The following TMEM132C variants were observed in gnomAD, a reference collection of about 807,000 sequenced individuals.
TMEM132C encodes the protein transmembrane protein 132C.
Under a neutral mutation model 61.4 loss-of-function variants are expected in TMEM132C, and 29 were observed. The observed-to-expected ratio is 0.47, with a 90% CI of 0.35 to 0.64. The LOEUF is 0.64. Ranked by LOEUF, TMEM132C falls within the 30% of genes least tolerant of loss-of-function variation. The pLI, the probability that TMEM132C is intolerant of heterozygous loss-of-function variation, is 0.00. For missense variants in TMEM132C, 1,408 were observed against 1,476.9 expected (o/e 0.95, Z 0.76); for synonymous variants, 656 against 633.1 (o/e 1.04, Z -0.54).
intron 1 of TMEM132C, among the ~76,000 whole-genome samples, chr12:128,389,526 C>A (rs1231792950): frequency 1.3e-5 from 2 of 152,178 alleles, no homozygotes; most frequent in African/African-American, 4.8e-5. Flanking sequence ...AGGTACCATG[C>A]TAGCAGGAAC....
intron 1 of TMEM132C, among the ~76,000 whole-genome samples, chr12:128,333,383 A>G (rs1451259278): frequency 6.6e-6 from 1 of 151,500 alleles, no homozygotes; most frequent in Admixed American, 6.6e-5. Context: ...TATGTATTTG[A>G]GAGTATGTAT....
intron 3 of TMEM132C, among the ~76,000 whole-genome samples, chr12:128,564,298 C>T (rs564656165): frequency 8.5e-5 from 13 of 152,298 alleles, no homozygotes; most frequent in East Asian, 7.7e-4. Context: ...CACAGATATG[C>T]GGGTCACAAC....
chr12:128,569,480 A>G (rs1874802273), intron 3 of TMEM132C, among the ~76,000 whole-genome samples: 1 of 152,230 alleles, frequency 6.6e-6, no homozygotes, highest in South Asian at 2.1e-4. Flanking sequence ...TTCACCTACT[A>G]CAGCAAATAT....
intron 3 of TMEM132C, among the ~76,000 whole-genome samples, chr12:128,602,820 G>T (rs998374339): frequency 6.6e-5 from 10 of 152,144 alleles, no homozygotes; most frequent in Admixed American, 5.2e-4. Context: ...TCTCTGCCTG[G>T]GCATCCCAAG....
At position 128,322,296 on chromosome 12, in the gene TMEM132C, T is replaced by G. The variant is rs536444577; in HGVS notation, c.85+54809T>G. On this transcript the variant is annotated intron_variant, in intron 1 of 8. Coordinates refer to ENST00000435159, the MANE Select transcript of TMEM132C (RefSeq NM_001136103.3). Reference sequence around the variant, plus strand: ...AGACAACTCTGCTGCTAGATGTGAGTGACTGAGCTTCTCCATGGTTCTAAC... The same window carrying G: ...AGACAACTCTGCTGCTAGATGTGAGGGACTGAGCTTCTCCATGGTTCTAAC... Among the ~76,000 whole-genome samples, 10 of 152,318 alleles carry G rather than the reference T, an allele frequency of 6.6e-5. No homozygotes were observed. In the South Asian group the frequency reaches 2.1e-3, roughly 32 times the overall value.
chr12:128,470,987 C>T (rs1303434244), intron 2 of TMEM132C, among the ~76,000 whole-genome samples: 1 of 152,180 alleles, frequency 6.6e-6, no homozygotes, highest in Non-Finnish European at 1.5e-5. Flanking sequence ...GATCATGTTG[C>T]AAGAAATCTT....
At chr12:128,618,746 T>C (rs957981756) in intron 4 of TMEM132C, among the ~76,000 whole-genome samples, 3 of 152,228 alleles carry the variant, frequency 2.0e-5, no homozygotes, top group Admixed American at 6.5e-5. Flanking sequence ...CCTTCTGCCA[T>C]GATTGTGAGA....
At chr12:128,696,762 C>A (rs1954768391) in intron 7 of TMEM132C, among the ~76,000 whole-genome samples, 1 of 152,156 alleles carries the variant, frequency 6.6e-6, no homozygotes, top group Non-Finnish European at 1.5e-5. Context: ...TCAAGCCCAA[C>A]ATTTGGCTTA....
At chr12:128,551,915 T>G (rs1874188409) in intron 3 of TMEM132C, among the ~76,000 whole-genome samples, 1 of 152,148 alleles carries the variant, frequency 6.6e-6, no homozygotes, top group Admixed American at 6.5e-5. Flanking sequence ...CTTGATCTGA[T>G]AAAGGTTTCT....
At chr12:128,423,032 G>A (rs1869045011) in intron 2 of TMEM132C, among the ~76,000 whole-genome samples, 1 of 152,144 alleles carries the variant, frequency 6.6e-6, no homozygotes, top group Non-Finnish European at 1.5e-5. Flanking sequence ...GGTGGGTTTT[G>A]TGTGTCAGGA....
chr12:128,307,235 G>A (rs190313376), intron 1 of TMEM132C, among the ~76,000 whole-genome samples: 64 of 152,222 alleles, frequency 4.2e-4, no homozygotes, highest in African/African-American at 1.5e-3. Flanking sequence ...GACATAATTG[G>A]GGGAGAAGTA....
intron 2 of TMEM132C, among the ~76,000 whole-genome samples, chr12:128,541,886 G>A (rs905133788): frequency 1.3e-5 from 2 of 152,100 alleles, no homozygotes; most frequent in South Asian, 2.1e-4. Flanking sequence ...ACCCGCCTGC[G>A]AATCTCAGCA....
rs189625068 is a variant in TMEM132C at position 128,465,284 on chromosome 12, C to T, written c.974+49664C>T. ...TGCCATCTCAGCTCACTACAAGCTC[C>T]GCCTCCCAGATTCAAGCCATTCTCC... On this transcript the variant is annotated intron_variant, in intron 2 of 8. Transcript: ENST00000435159. Among the ~76,000 whole-genome samples the T allele has an allele frequency of 5.4e-3, 821 of 151,812 alleles. 7 individuals carry two copies. Among genetic ancestry groups the T allele is most frequent in the African/African-American group, 0.018 (741 of 41,376 alleles).
intron 5 of TMEM132C, among the ~76,000 whole-genome samples, chr12:128,673,725 T>C (rs187495368): frequency 1.3e-5 from 2 of 152,364 alleles, no homozygotes; most frequent in Admixed American, 1.3e-4. Flanking sequence ...TGTGCAGCCT[T>C]GAGTGAATCA....
intron 1 of TMEM132C, among the ~76,000 whole-genome samples, chr12:128,345,386 A>C (rs1296223225): frequency 2.0e-5 from 3 of 152,148 alleles, no homozygotes; most frequent in African/African-American, 7.2e-5. Flanking sequence ...TGTGTCTTTA[A>C]AAAAGAATGA....
At chr12:128,281,766 T>G (rs1414295463) in intron 1 of TMEM132C, among the ~76,000 whole-genome samples, 1 of 152,242 alleles carries the variant, frequency 6.6e-6, no homozygotes, top group East Asian at 1.9e-4. Context: ...GCTGTGCCTT[T>G]GTCTCCCCAT....
At chr12:128,528,374 A>T (rs888841825) in intron 2 of TMEM132C, among the ~76,000 whole-genome samples, 3 of 152,218 alleles carry the variant, frequency 2.0e-5, no homozygotes, top group Admixed American at 2.0e-4. Context: ...TGAAATAGGT[A>T]AGGCAAGCTC....
At position 128,476,304 on chromosome 12, in the gene TMEM132C, G is replaced by C. The variant is rs565803023; in HGVS notation, c.974+60684G>C. On this transcript the variant is annotated intron_variant, in intron 2 of 8. Transcript: ENST00000435159. ...ATCCTTCCTGGCAACCTGAGGAGACGGTTGCAGCGTGCACATGGCAGTACA... is the reference window on the plus strand; with the variant it reads ...ATCCTTCCTGGCAACCTGAGGAGACCGTTGCAGCGTGCACATGGCAGTACA... Among the ~76,000 whole-genome samples the C allele has an allele frequency of 7.9e-5, 12 of 152,294 alleles. No homozygotes were observed. The South Asian group carries it at 2.5e-3, about 32-fold the overall frequency.
At chr12:128,551,547 G>A (rs560480558) in intron 3 of TMEM132C, among the ~76,000 whole-genome samples, 4 of 152,258 alleles carry the variant, frequency 2.6e-5, no homozygotes, top group East Asian at 3.9e-4. Context: ...TACAGGGTGC[G>A]AGGCCAACAG....
Sources: gnomAD v4.1 joint callset for allele counts (sites outside exome capture counted in the v4.1 genomes callset) on GRCh38, gnomAD v4.1.1 for gene constraint, MANE v1.5 for transcripts, NCBI Gene and HGNC (gene_info 2026-07-23, HGNC 2026-07-21) for gene names.